The following B4GALNT4 variants were observed in gnomAD, a reference collection of about 807,000 sequenced individuals.
The protein encoded by B4GALNT4 is N-acetyl-beta-glucosaminyl-glycoprotein 4-beta-N-acetylgalactosaminyltransferase 1.
In B4GALNT4, 77 loss-of-function variants were observed where a neutral mutation model predicts 110.0. The ratio of observed to expected loss-of-function variants is 0.70; its 90% CI spans 0.58 to 0.85. B4GALNT4 has a LOEUF of 0.85. Among genes scored for constraint, B4GALNT4 ranks in the 40% least tolerant of loss-of-function variants. The pLI, the probability that B4GALNT4 is intolerant of heterozygous loss-of-function variation, is 0.00. For synonymous variants in B4GALNT4, 785 were observed against 655.5 expected (o/e 1.20, Z -3.02); for missense variants, 1,575 against 1,506.0 (o/e 1.05, Z -0.76).
rs370085014 is a variant in B4GALNT4 at position 380,756 on chromosome 11, C to T, written c.2870-69C>T. 5.8e-4 allele frequency: 923 copies of T among 1,593,326 alleles called. 9 individuals carry two copies. The South Asian group carries it at 9.5e-3, about 16-fold the overall frequency. On this transcript the variant is annotated intron_variant, in intron 18 of 19. Transcript: ENST00000329962. The stretch of plus-strand genomic sequence containing the variant: ...CCTGACCCCTCCCGAGGTCTCCTAG[C>T]GGCGCTTTGCCGGGGGGACCTTGCA...
At chr11:375,331 G>T in intron 8 of B4GALNT4, 130 bp from the exon 9 acceptor site, 1 of 957,676 alleles carries the variant, frequency 1.0e-6, no homozygotes. Flanking sequence ...GGACCCCTCT[G>T]CCATCTCCTC....
chr11:369,701 C>A lies in B4GALNT4; in HGVS notation c.-103C>A. On this transcript the variant is annotated 5_prime_UTR_variant, in exon 1 of 20. The change creates a new upstream start codon in the 5' untranslated region. Transcript: ENST00000329962. ...AAAGGACCATGCGGGGCCGCGGGCGCTGAGCGCGGCGGGGCGGGCCGGGGA... is the reference window on the plus strand; with the variant it reads ...AAAGGACCATGCGGGGCCGCGGGCGATGAGCGCGGCGGGGCGGGCCGGGGA... The A allele has an allele frequency of 1.8e-6, 1 of 571,224 alleles. No individual in the cohort carries two copies. Among genetic ancestry groups the A allele is most frequent in the Non-Finnish European group, 2.2e-6 (1 of 456,326 alleles). 35.4% of individuals were successfully genotyped at this position (571,224 alleles called of 1,614,324 possible). A position where few individuals can be genotyped will look rare whatever the true frequency, so the allele number is the denominator to read the frequency against.
In B4GALNT4 at chr11:372,138, G is replaced by T. The variant is rs200518616; in HGVS notation, c.181G>T (p.Gly61Cys). Residue 61 changes from glycine to cysteine, a missense_variant, in exon 2 of 20, where the codon GGC (glycine) becomes TGC (cysteine). By Grantham distance (159) the Gly-to-Cys change is radical. Coordinates refer to ENST00000329962, the MANE Select transcript of B4GALNT4 (RefSeq NM_178537.5). ...DGEKLTSETD[G>C]RGVHAAPSTQ... ...TGAGAAGCTGACCAGTGAGACCGAC[G>T]GCCGGGGGGTCCACGCTGCGCCATC... 1 of 1,549,740 alleles carries T rather than the reference G, an allele frequency of 6.5e-7. No homozygotes were observed. Among genetic ancestry groups the T allele is most frequent in the Middle Eastern group, 1.8e-4 (1 of 5,676 alleles).
At chr11:370,003 G>GGGCGCGGGGGGCGCGGGGGGCGTGGGC (rs1564866441) in intron 1 of B4GALNT4, 49 bp downstream of exon 1, 1 of 140,764 alleles carries the variant, frequency 7.1e-6, no homozygotes, top group Non-Finnish European at 1.2e-5. Context: ...GCGGCGCGGG[G>GGGCGCGGGGGGCGCGGGGGGCGTGGGC]GGCGCGGGGG....
At chr11:371,530 G>C (rs760807933) in intron 1 of B4GALNT4, among the ~76,000 whole-genome samples, 9 of 152,206 alleles carry the variant, frequency 5.9e-5, no homozygotes, top group Admixed American at 1.3e-4. Flanking sequence ...TCCTACCCAA[G>C]GACACTCAAT....
At chr11:375,400 C>G in intron 8 of B4GALNT4, 61 bp from the exon 9 acceptor site, 1 of 1,558,252 alleles carries the variant, frequency 6.4e-7, no homozygotes, top group Admixed American at 1.7e-5. Context: ...CAGGGTAGAC[C>G]CTTTCTTCCC....
In B4GALNT4 at chr11:369,947, C is replaced by CGGT. The variant is rs1282455183; in HGVS notation, c.146_147insTGG (p.Gly49dup). On this transcript the variant is annotated inframe_insertion, in exon 1 of 20. Coordinates refer to ENST00000329962, the MANE Select transcript of B4GALNT4 (RefSeq NM_178537.5). ...GCGCGCTGCGCCAGCGCCTGGGCTA[C>CGGT]GGGCGAGGTACGGCGCGGGGGGCGC... The CGGT allele has an allele frequency of 3.0e-5, 26 of 868,414 alleles. No homozygotes were observed. In the African/African-American group the frequency reaches 5.2e-4, roughly 17 times the overall value. 53.8% of individuals were successfully genotyped at this position (868,414 alleles called of 1,614,324 possible).
intron 14 of B4GALNT4, 116 bp from the exon 15 acceptor site, chr11:379,302 G>A (rs1846822209): frequency 8.4e-7 from 1 of 1,195,368 alleles, no homozygotes; most frequent in Non-Finnish European, 1.1e-6. Flanking sequence ...GTGCCGCGGA[G>A]CCCGCAGCCT....
chr11:373,419 CA>C lies in B4GALNT4; in HGVS notation c.637-29del, dbSNP rs1261471472. On this transcript the variant is annotated intron_variant, in intron 6 of 19. Transcript: ENST00000329962. ...CAGGGAGAGAGTGAACCCCCCCCCC[CA>C]CCACCACCCCTGCTCTATCACCCCC... 1.4e-3 allele frequency: 1,468 copies of C among 1,082,302 alleles called. 1 individual carries two copies. Among genetic ancestry groups the C allele is most frequent in the Admixed American group, 3.3e-3 (162 of 48,846 alleles). 67.0% of individuals were successfully genotyped at this position (1,082,302 alleles called of 1,614,324 possible).
intron 1 of B4GALNT4, 27 bp downstream of exon 1, chr11:369,981 CGGGGGGCGG>C (rs1846580932): frequency 4.4e-5 from 2 of 45,080 alleles, no homozygotes; most frequent in Non-Finnish European, 6.2e-5. Context: ...GCGGGGGGCG[CGGGGGGCGG>C]GGGCGGCGCG....
chr11:380,264 CG>C (rs1846846478), intron 17 of B4GALNT4, 27 bp from the exon 18 acceptor site: 2 of 1,609,294 alleles, frequency 1.2e-6, no homozygotes, highest in African/African-American at 2.7e-5. Context: ...GAGCGGAGGG[CG>C]GGGCTCAGAC....
intron 9 of B4GALNT4, 30 bp downstream of exon 9, chr11:375,557 G>A (rs765617034): frequency 5.6e-6 from 9 of 1,607,084 alleles, no homozygotes; most frequent in Non-Finnish European, 5.1e-6. Flanking sequence ...GGGATGTGGG[G>A]CTCCTCGGGA....
intron 3 of B4GALNT4, 33 bp from the exon 4 acceptor site, chr11:372,819 G>A (rs1170947472): frequency 1.3e-6 from 2 of 1,557,680 alleles, no homozygotes; most frequent in African/African-American, 1.4e-5. Context: ...GGGGCGGCGG[G>A]CCGTGCAGAA....
At chr11:379,752 G>C in intron 15 of B4GALNT4, 51 bp downstream of exon 15, 1 of 1,503,144 alleles carries the variant, frequency 6.7e-7, no homozygotes, top group Non-Finnish European at 8.9e-7. Context: ...AAGGAACATG[G>C]ACCCTAATGA....
At chr11:373,995 C>T (rs1308356142) in intron 8 of B4GALNT4, among the ~76,000 whole-genome samples, 167 bp downstream of exon 8, 1 of 152,126 alleles carries the variant, frequency 6.6e-6, no homozygotes, top group Non-Finnish European at 1.5e-5. Context: ...CTCGGTGAGG[C>T]TTCACTAGGA....
intron 18 of B4GALNT4, 114 bp from the exon 19 acceptor site, chr11:380,711 C>T (rs1295492712): frequency 3.3e-6 from 5 of 1,537,088 alleles, no homozygotes; most frequent in African/African-American, 1.4e-5. Flanking sequence ...CGGAAGCCCC[C>T]GTGGTGATGG....
At position 372,191 on chromosome 11, in the gene B4GALNT4, G is replaced by A. The variant is rs1483462433; in HGVS notation, c.234G>A (p.Glu78=). ...PSTQRAEDSS[E]SREEEQAPEG... ...CACAGAGGGCTGAGGACTCCAGTGA[G>A]AGCCGTGAAGAGGAGCAAGCGGTGA... Residue 78 remains glutamate, a synonymous_variant, in exon 2 of 20, where the codon GAG becomes GAA. Transcript: ENST00000329962. 4.5e-6 allele frequency: 7 copies of A among 1,550,098 alleles called. No homozygotes were observed. Among genetic ancestry groups the A allele is most frequent in the Non-Finnish European group, 4.4e-6 (5 of 1,146,874 alleles).
rs1368443294 is a variant in B4GALNT4 at position 376,324 on chromosome 11, C to T, written c.1270C>T (p.Arg424Ter). The T allele has an allele frequency of 1.2e-6, 2 of 1,609,710 alleles. No homozygotes were observed. Among genetic ancestry groups the T allele is most frequent in the South Asian group, 1.1e-5 (1 of 90,918 alleles). The change falls in exon 13 of 20, where the codon CGA (arginine) becomes TGA (stop). Residue 424 changes from arginine to a stop codon, truncating the protein, a stop_gained. Transcript: ENST00000329962. LOFTEE classifies it high-confidence loss of function. Reference protein sequence around the residue: ...DEDEEDEVQRRAFLFLNPDDF... With the variant: ...DEDEEDEVQR The stretch of plus-strand genomic sequence containing the variant: ...GGATGAAGAAGACGAGGTGCAGCGC[C>T]GAGCCTTCCTCTTCCTCAACCCGGA...
Position 373,164 on chromosome 11 carries a change from C to A in B4GALNT4, c.536-27C>A, listed in dbSNP as rs762596849. The stretch of plus-strand genomic sequence containing the variant: ...GGGGAGGGGTGCCGTGAGGCTCCAC[C>A]CCCCTGAGCCTAGTCTTGTGGACTA... On this transcript the variant is annotated intron_variant, in intron 5 of 19. Coordinates refer to ENST00000329962, the MANE Select transcript of B4GALNT4 (RefSeq NM_178537.5). The A allele has an allele frequency of 8.1e-6, 13 of 1,611,594 alleles. No homozygotes were observed. The South Asian group carries it at 1.3e-4, about 16-fold the overall frequency.
Sources: allele counts gnomAD v4.1 joint callset (sites outside exome capture counted in the v4.1 genomes callset), GRCh38; gene constraint gnomAD v4.1.1; transcripts MANE v1.5; gene names NCBI Gene and HGNC (gene_info 2026-07-23, HGNC 2026-07-21).